C1orf21: variants seen among roughly 807,000 people sequenced by gnomAD.
C1orf21 encodes the protein uncharacterized protein C1orf21.
Under a neutral mutation model 18.7 loss-of-function variants are expected in C1orf21, and 3 were observed. The observed-to-expected ratio is 0.16, with a 90% CI of 0.07 to 0.42. The LOEUF (loss-of-function observed/expected upper bound fraction) is 0.42, where lower values mean the gene tolerates loss of function less well. C1orf21 is among the 10% of genes least tolerant of loss of function. The pLI is 0.99. For missense variants in C1orf21, 104 were observed against 143.6 expected, an observed-to-expected ratio of 0.72 and a Z score of 1.41; for synonymous variants, 41 against 46.4, an observed-to-expected ratio of 0.88 and a Z score of 0.47.
chr1:184,570,489 A>G (rs1558005289), intron 3 of C1orf21, among the ~76,000 whole-genome samples: 1 of 152,116 alleles, frequency 6.6e-6, no homozygotes, highest in Non-Finnish European at 1.5e-5. Context: ...AGGGCAAACA[A>G]CTCTGGAAGA....
intron 1 of C1orf21, among the ~76,000 whole-genome samples, chr1:184,406,750 A>G (rs1048555766): frequency 2.0e-5 from 3 of 152,180 alleles, no homozygotes; most frequent in Non-Finnish European, 4.4e-5. Context: ...GGTTTGTCAC[A>G]GTAAGTGTGT....
intron 1 of C1orf21, among the ~76,000 whole-genome samples, chr1:184,452,574 G>A (rs1657137948): frequency 1.3e-5 from 2 of 152,160 alleles, no homozygotes; most frequent in African/African-American, 4.8e-5. Flanking sequence ...TAACCACCAC[G>A]TTGATTGTTT....
intron 1 of C1orf21, among the ~76,000 whole-genome samples, chr1:184,422,532 T>C (rs1024801098): frequency 3.3e-5 from 5 of 152,198 alleles, no homozygotes; most frequent in Non-Finnish European, 7.3e-5. Flanking sequence ...AGCTAGAAAG[T>C]AGAAGTACAA....
intron 2 of C1orf21, among the ~76,000 whole-genome samples, chr1:184,505,592 T>C (rs1483768794): frequency 6.6e-6 from 1 of 151,548 alleles, no homozygotes; most frequent in Non-Finnish European, 1.5e-5. Flanking sequence ...GTAAAACCCG[T>C]CTCTACTAAA....
chr1:184,529,511 C>T (rs1216614243), intron 3 of C1orf21, among the ~76,000 whole-genome samples: 2 of 152,178 alleles, frequency 1.3e-5, no homozygotes, highest in Non-Finnish European at 2.9e-5. Context: ...TATGAGTATA[C>T]TTAACAGGAA....
At chr1:184,421,016 G>A (rs1425652865) in intron 1 of C1orf21, among the ~76,000 whole-genome samples, 2 of 151,970 alleles carry the variant, frequency 1.3e-5, no homozygotes, top group African/African-American at 4.8e-5. Context: ...AAAAGAGATG[G>A]GATTCATATT....
chr1:184,426,655 A>G (rs1448230864), intron 1 of C1orf21, among the ~76,000 whole-genome samples: 2 of 152,122 alleles, frequency 1.3e-5, no homozygotes, highest in Non-Finnish European at 2.9e-5. Context: ...CCTCAGAGAA[A>G]TCTTCCCTAA....
At position 184,477,500 on chromosome 1, in the gene C1orf21, G is replaced by T. The variant is rs373068773; in HGVS notation, c.-10G>T. On this transcript the variant is annotated 5_prime_UTR_variant, in exon 2 of 6. The change creates a premature stop within an existing upstream ORF in the 5' untranslated region. Coordinates refer to ENST00000235307, the MANE Select transcript of C1orf21 (RefSeq NM_030806.4). ...CAGTTCAGCCCGGCTGAAGCTGACCGAATGAGACTATGGGCTGTGCCTCCG... is the reference window on the plus strand; with the variant it reads ...CAGTTCAGCCCGGCTGAAGCTGACCTAATGAGACTATGGGCTGTGCCTCCG... 118 of 1,612,732 alleles carry T rather than the reference G, an allele frequency of 7.3e-5. 1 individual carries two copies. The South Asian group carries it at 1.0e-3, about 14-fold the overall frequency.
At chr1:184,420,248 T>C (rs1273585785) in intron 1 of C1orf21, among the ~76,000 whole-genome samples, 1 of 152,016 alleles carries the variant, frequency 6.6e-6, no homozygotes, top group Non-Finnish European at 1.5e-5. Flanking sequence ...ACAGTGTGTC[T>C]TTGGGGTATG....
At chr1:184,606,694 A>T (rs958538680) in intron 5 of C1orf21, among the ~76,000 whole-genome samples, 3 of 152,220 alleles carry the variant, frequency 2.0e-5, no homozygotes, top group African/African-American at 7.2e-5. Context: ...GACTTCTTTG[A>T]TCCATTTAAT....
At chr1:184,404,657 A>G (rs1656217339) in intron 1 of C1orf21, among the ~76,000 whole-genome samples, 1 of 152,218 alleles carries the variant, frequency 6.6e-6, no homozygotes, top group South Asian at 2.1e-4. Context: ...TTTAGAAGGA[A>G]CAAACATTCA....
intron 1 of C1orf21, among the ~76,000 whole-genome samples, chr1:184,452,091 G>C (rs1312210215): frequency 6.6e-6 from 1 of 152,168 alleles, no homozygotes; most frequent in African/African-American, 2.4e-5. Context: ...TCTTAGTAGT[G>C]TGGAATGCTT....
chr1:184,479,772 C>G (rs1264600590), intron 2 of C1orf21, among the ~76,000 whole-genome samples: 1 of 151,904 alleles, frequency 6.6e-6, no homozygotes, highest in East Asian at 1.9e-4. Context: ...CAGGCACGTG[C>G]GCTCACACCT....
intron 1 of C1orf21, among the ~76,000 whole-genome samples, chr1:184,417,959 T>G (rs947248513): frequency 1.3e-5 from 2 of 152,220 alleles, no homozygotes; most frequent in Non-Finnish European, 2.9e-5. Flanking sequence ...CCTTTCAATG[T>G]CTTTGGTTCA....
intron 1 of C1orf21, among the ~76,000 whole-genome samples, chr1:184,388,982 A>T (rs1237839546): frequency 1.3e-5 from 2 of 152,176 alleles, no homozygotes; most frequent in African/African-American, 2.4e-5. Flanking sequence ...TAATTGTCAG[A>T]CATGGAAATT....
chr1:184,480,455 C>A (rs1657636817), intron 2 of C1orf21, among the ~76,000 whole-genome samples: 1 of 152,198 alleles, frequency 6.6e-6, no homozygotes. Context: ...GTTGTGCTTA[C>A]ATTCTGCTTG....
intron 2 of C1orf21, among the ~76,000 whole-genome samples, chr1:184,501,022 A>G (rs567256128): frequency 6.6e-6 from 1 of 152,284 alleles, no homozygotes; most frequent in South Asian, 2.1e-4. Context: ...CTCAGGATGT[A>G]TTAATCAATT....
At chr1:184,495,947 G>T (rs1657887455) in intron 2 of C1orf21, among the ~76,000 whole-genome samples, 1 of 151,348 alleles carries the variant, frequency 6.6e-6, no homozygotes, top group African/African-American at 2.4e-5. Context: ...AAAAGATATG[G>T]TGAGTATGTA....
intron 3 of C1orf21, among the ~76,000 whole-genome samples, chr1:184,559,550 CCTTCCTCTCTCTTT>C (rs1285322684): frequency 1.5e-5 from 2 of 133,804 alleles, no homozygotes; most frequent in African/African-American, 6.1e-5. Context: ...TTCCTTCCTT[CCTTCCTCTCTCTTT>C]CTTCCCCTCC....
Sources: allele counts gnomAD v4.1 joint callset (sites outside exome capture counted in the v4.1 genomes callset), GRCh38; gene constraint gnomAD v4.1.1; transcripts MANE v1.5; gene names NCBI Gene and HGNC (gene_info 2026-07-23, HGNC 2026-07-21).